The following TCF7L1 variants were observed in gnomAD, a reference collection of about 807,000 sequenced individuals.
The protein encoded by TCF7L1 is transcription factor 7-like 1.
A neutral mutation model predicts 63.7 loss-of-function variants in TCF7L1; 18 were observed. The ratio of observed to expected loss-of-function variants is 0.28; its 90% CI spans 0.20 to 0.42. TCF7L1 has a LOEUF of 0.42. Ranked by LOEUF, TCF7L1 falls within the 10% of genes least tolerant of loss-of-function variation. The pLI, the probability that TCF7L1 is intolerant of heterozygous loss-of-function variation, is 1.00. For missense variants in TCF7L1, 654 were observed against 779.3 expected, an observed-to-expected ratio of 0.84 and a Z score of 1.91; for synonymous variants, 355 against 340.9, an observed-to-expected ratio of 1.04 and a Z score of -0.46.
At chr2:85,287,750 G>A (rs1383834204) in intron 4 of TCF7L1, among the ~76,000 whole-genome samples, 1 of 152,154 alleles carries the variant, frequency 6.6e-6, no homozygotes, top group African/African-American at 2.4e-5. Context: ...AGTTTTTGAG[G>A]CAGAGCATCT....
intron 3 of TCF7L1, among the ~76,000 whole-genome samples, chr2:85,238,131 G>A (rs1351604714): frequency 2.6e-5 from 4 of 152,164 alleles, no homozygotes; most frequent in Admixed American, 6.6e-5. Flanking sequence ...GGCAGCGAGC[G>A]AGGGAGGTGG....
chr2:85,268,470 C>T (rs921726675), intron 3 of TCF7L1, among the ~76,000 whole-genome samples: 10 of 129,486 alleles, frequency 7.7e-5, no homozygotes, highest in Non-Finnish European at 1.4e-4. Context: ...AGATTGGATG[C>T]CTTTTTTTTT....
intron 3 of TCF7L1, among the ~76,000 whole-genome samples, chr2:85,274,839 A>G (rs1681235736): frequency 6.6e-6 from 1 of 152,122 alleles, no homozygotes; most frequent in Non-Finnish European, 1.5e-5. Flanking sequence ...TAACTTACAC[A>G]TTTAGTGACT....
intron 3 of TCF7L1, among the ~76,000 whole-genome samples, chr2:85,219,204 A>G (rs1292452302): frequency 6.6e-6 from 1 of 152,248 alleles, no homozygotes; most frequent in African/African-American, 2.4e-5. Context: ...TTCCATTGAA[A>G]GAAAGAAGCA....
chr2:85,174,714 G>A (rs150879703), intron 3 of TCF7L1, among the ~76,000 whole-genome samples: 9 of 152,222 alleles, frequency 5.9e-5, no homozygotes, highest in Non-Finnish European at 7.4e-5. Context: ...CCCTGACTCC[G>A]CCTGACAACC....
At chr2:85,191,948 T>A (rs1679045088) in intron 3 of TCF7L1, among the ~76,000 whole-genome samples, 1 of 152,134 alleles carries the variant, frequency 6.6e-6, no homozygotes, top group Non-Finnish European at 1.5e-5. Context: ...GGGACAAAAA[T>A]TTAACTCCAG....
In TCF7L1 at chr2:85,133,891, G is replaced by C; in HGVS notation, c.207G>C (p.Leu69=). The part of the protein sequence containing the change: ...QRDLDEVKSS[L]VNESENQSSS... ...ACCTAGACGAGGTCAAGTCGTCCCT[G>C]GTCAACGAGTCGGAGAACCAGAGCA... Residue 69 remains leucine, a synonymous_variant, in exon 1 of 12, where the codon CTG becomes CTC. Transcript: ENST00000282111. The surrounding 1 kb of genome is among the most constrained non-coding windows in gnomAD (Gnocchi z 4.4). The C allele has an allele frequency of 2.0e-6, 3 of 1,521,954 alleles. No individual in the cohort carries two copies. Among genetic ancestry groups the C allele is most frequent in the Middle Eastern group, 1.7e-4 (1 of 5,802 alleles). The allele number at this position is 1,521,954 out of a possible 1,614,324, so 94.3% of individuals were successfully genotyped here. A position where few individuals can be genotyped will look rare whatever the true frequency, so the allele number is the denominator to read the frequency against.
chr2:85,261,295 A>T (rs1374382256), intron 3 of TCF7L1, among the ~76,000 whole-genome samples: 2 of 152,198 alleles, frequency 1.3e-5, no homozygotes, highest in Non-Finnish European at 2.9e-5. Context: ...ACACAAGGGC[A>T]TGGTTTCTAT....
At position 85,214,689 on chromosome 2, in the gene TCF7L1, A is replaced by G. The variant is rs373041434; in HGVS notation, c.442-68806A>G. ...GTGGTGGTGACACAAGTTTATACAG[A>G]TGTATTAATTGAGCTGTACATTTAA... On this transcript the variant is annotated intron_variant, in intron 3 of 11. Transcript: ENST00000282111. Among the ~76,000 whole-genome samples the G allele has an allele frequency of 1.0e-3, 154 of 152,274 alleles. 1 individual carries two copies. The highest frequency in any genetic ancestry group is 3.6e-3 in the African/African-American group (150 of 41,566).
intron 3 of TCF7L1, among the ~76,000 whole-genome samples, chr2:85,177,169 A>G (rs1423357000): frequency 6.6e-6 from 1 of 151,914 alleles, no homozygotes; most frequent in Non-Finnish European, 1.5e-5. Context: ...CATTCCTCAT[A>G]CAGTGGAAAG....
At chr2:85,304,084 C>A in intron 6 of TCF7L1, 87 bp downstream of exon 6, 3 of 1,240,544 alleles carry the variant, frequency 2.4e-6, no homozygotes, top group South Asian at 2.7e-5. Context: ...ACAGTGGAGC[C>A]CCCTCAGAGG....
intron 4 of TCF7L1, among the ~76,000 whole-genome samples, chr2:85,297,423 G>A (rs1681856930): frequency 1.3e-5 from 2 of 152,180 alleles, no homozygotes; most frequent in African/African-American, 4.8e-5. Context: ...GGCCTGCCGT[G>A]GGTCCTCACA....
chr2:85,269,149 A>C (rs1162766642), intron 3 of TCF7L1, among the ~76,000 whole-genome samples: 1 of 152,168 alleles, frequency 6.6e-6, no homozygotes, highest in East Asian at 1.9e-4. Flanking sequence ...TCTTTCTCCA[A>C]TTCCTAGGGG....
intron 3 of TCF7L1, among the ~76,000 whole-genome samples, chr2:85,228,851 T>TA (rs1046062620): frequency 1.0e-3 from 142 of 138,808 alleles, no homozygotes; most frequent in Middle Eastern, 4.0e-3. Flanking sequence ...CCATCTCTCC[T>TA]AAAAAAAAAA....
At chr2:85,142,606 A>T (rs1413344767) in intron 3 of TCF7L1, among the ~76,000 whole-genome samples, 1 of 152,168 alleles carries the variant, frequency 6.6e-6, no homozygotes, top group Non-Finnish European at 1.5e-5. Flanking sequence ...TTAAGAGCAT[A>T]TAGAAAACCG....
chr2:85,185,960 ATTTTTTTTTTT>A (rs67142055), intron 3 of TCF7L1, among the ~76,000 whole-genome samples: 2 of 94,642 alleles, frequency 2.1e-5, no homozygotes, highest in Non-Finnish European at 2.0e-5. Flanking sequence ...AACACAGGGG[ATTTTTTTTTTT>A]TTTTTTTTTT....
At chr2:85,226,910 T>C (rs775152302) in intron 3 of TCF7L1, among the ~76,000 whole-genome samples, 16 of 150,764 alleles carry the variant, frequency 1.1e-4, no homozygotes, top group Non-Finnish European at 2.4e-4. Flanking sequence ...TGATCATAAA[T>C]TGAACACAAG....
rs1160393264 is a variant in TCF7L1 at position 85,133,730 on chromosome 2, G to C, written c.46G>C (p.Gly16Arg). The change falls in exon 1 of 12, where the codon GGG (glycine) becomes CGG (arginine). Residue 16 changes from glycine to arginine, a missense_variant. Physicochemically the swap from Gly to Arg is moderately radical, Grantham distance 125. Coordinates refer to ENST00000282111, the MANE Select transcript of TCF7L1 (RefSeq NM_031283.3). The surrounding 1 kb of genome is among the most constrained non-coding windows in gnomAD (Gnocchi z 4.4). ...GGGCGGCGGCGGCGGCGGCGGCAGC[G>C]GGGGAGGCGGCGGCTCCAGCGCCGG... ...GGGGGGGGGS[G>R]GGGGSSAGAA... 6 of 1,202,574 alleles carry C rather than the reference G, an allele frequency of 5.0e-6. No individual in the cohort carries two copies. Among genetic ancestry groups the C allele is most frequent in the African/African-American group, 3.2e-5 (2 of 62,950 alleles). The allele number at this position is 1,202,574 out of a possible 1,614,324, so 74.5% of individuals were successfully genotyped here.
intron 3 of TCF7L1, among the ~76,000 whole-genome samples, chr2:85,278,139 G>A (rs984322058): frequency 1.3e-5 from 2 of 152,126 alleles, no homozygotes; most frequent in African/African-American, 4.8e-5. Context: ...TGGATTCTCC[G>A]CCTTCCTGCA....
Sources: allele counts gnomAD v4.1 joint callset (sites outside exome capture counted in the v4.1 genomes callset), GRCh38; gene constraint gnomAD v4.1.1; non-coding constraint Gnocchi (gnomAD v3.1); transcripts MANE v1.5; gene names NCBI Gene and HGNC (gene_info 2026-07-23, HGNC 2026-07-21).